CHODL: variants seen among roughly 807,000 people sequenced by gnomAD.
The protein encoded by CHODL is chondrolectin.
A neutral mutation model predicts 34.5 loss-of-function variants in CHODL; 29 were observed. The observed-to-expected ratio is 0.84, with a 90% CI of 0.63 to 1.15. The LOEUF is 1.15. Among genes scored for constraint, CHODL ranks in the 50% most tolerant of loss-of-function variants. The pLI is 0.00. For missense variants in CHODL, 332 were observed against 332.5 expected (o/e 1.00, Z 0.01); for synonymous variants, 125 against 116.1 (o/e 1.08, Z -0.49).
chr21:18,101,708 TACA>T (rs934336941), intron 2 of CHODL, among the ~76,000 whole-genome samples: 4 of 126,570 alleles, frequency 3.2e-5, no homozygotes, highest in Non-Finnish European at 6.9e-5. Flanking sequence ...TATTTCCATT[TACA>T]ACATTTTTTT....
intron 2 of CHODL, among the ~76,000 whole-genome samples, chr21:18,033,700 C>A (rs1038657833): frequency 6.6e-6 from 1 of 151,862 alleles, no homozygotes; most frequent in African/African-American, 2.4e-5. Context: ...TAGGGTATAG[C>A]CTTGGATCTG....
At chr21:18,089,955 A>G (rs2065052460) in intron 2 of CHODL, among the ~76,000 whole-genome samples, 1 of 152,224 alleles carries the variant, frequency 6.6e-6, no homozygotes, top group Admixed American at 6.5e-5. Flanking sequence ...AAGAGTGAAA[A>G]ATGAGTCCTA....
chr21:18,128,124 C>A (rs2072598842), intron 2 of CHODL, among the ~76,000 whole-genome samples: 1 of 150,726 alleles, frequency 6.6e-6, no homozygotes, highest in Non-Finnish European at 1.5e-5. Context: ...CACGGTGAAA[C>A]CCCGTCTCTA....
rs1568966593 is a variant in CHODL, at chr21:18,266,000, T to C, written c.784T>C (p.Ser262Pro). 6.2e-7 allele frequency: 1 copy of C among 1,613,690 alleles called. No homozygotes were observed. Among genetic ancestry groups the C allele is most frequent in the Non-Finnish European group, 8.5e-7 (1 of 1,179,754 alleles). Residue 262 changes from serine to proline, a missense_variant, in exon 6 of 6, where the codon TCA (serine) becomes CCA (proline). By Grantham distance (74) the Ser-to-Pro change is moderately conservative. Transcript: ENST00000299295. ...TSPNQSTLWISKSTRKESGME... is the reference protein window; with the variant it reads ...TSPNQSTLWIPKSTRKESGME... ...TCCAAACCAGTCTACACTGTGGATT[T>C]CAAAGAGTACCAGAAAAGAAAGTGG...
intron 2 of CHODL, among the ~76,000 whole-genome samples, chr21:18,104,951 A>G (rs2065256171): frequency 6.6e-6 from 1 of 152,220 alleles, no homozygotes; most frequent in African/African-American, 2.4e-5. Flanking sequence ...GAATGCTATG[A>G]CATGATTTGG....
intron 1 of CHODL, among the ~76,000 whole-genome samples, chr21:17,977,710 A>G (rs1251433511): frequency 6.8e-6 from 1 of 146,938 alleles, no homozygotes; most frequent in Admixed American, 6.8e-5. Context: ...CGAGGTCAAG[A>G]GATCGAGACC....
intron 1 of CHODL, among the ~76,000 whole-genome samples, chr21:17,949,039 C>T (rs1486905730): frequency 6.6e-6 from 1 of 152,122 alleles, no homozygotes; most frequent in African/African-American, 2.4e-5. Context: ...CTATGCAACA[C>T]TTTGATTACT....
At chr21:18,110,146 C>G (rs1433792117) in intron 2 of CHODL, among the ~76,000 whole-genome samples, 1 of 152,160 alleles carries the variant, frequency 6.6e-6, no homozygotes, top group East Asian at 1.9e-4. Flanking sequence ...TTACTAGCTA[C>G]AAACATATTT....
At chr21:18,241,236 A>G (rs2074079014), upstream of CHODL, among the ~76,000 whole-genome samples, 2 of 149,038 alleles carry the variant, frequency 1.3e-5, no homozygotes, top group South Asian at 2.1e-4. Flanking sequence ...GTGATAACCA[A>G]GCATTACTCA....
intron 1 of CHODL, among the ~76,000 whole-genome samples, chr21:18,011,156 A>G (rs1234047114): frequency 6.6e-6 from 1 of 152,220 alleles, no homozygotes; most frequent in Non-Finnish European, 1.5e-5. Flanking sequence ...GTAGATGGGT[A>G]GAAACACACT....
At chr21:17,999,511 A>AG (rs1568837529) in intron 1 of CHODL, among the ~76,000 whole-genome samples, 4 of 151,036 alleles carry the variant, frequency 2.6e-5, no homozygotes, top group African/African-American at 9.7e-5. Flanking sequence ...GAAACTGTGG[A>AG]AAAAAAAAGG....
intron 2 of CHODL, among the ~76,000 whole-genome samples, chr21:18,094,661 A>G (rs2065116124): frequency 6.6e-6 from 1 of 151,952 alleles, no homozygotes; most frequent in South Asian, 2.1e-4. Context: ...AACAAATTAT[A>G]ATGGAAACAC....
intron 2 of CHODL, among the ~76,000 whole-genome samples, chr21:18,060,717 A>G (rs1432071207): frequency 6.6e-6 from 1 of 151,392 alleles, no homozygotes; most frequent in East Asian, 1.9e-4. Flanking sequence ...ACCAAAAAAA[A>G]AAAAAAGAAA....
At chr21:18,260,351 G>A in intron 4 of CHODL, 65 bp downstream of exon 4, 1 of 1,011,430 alleles carries the variant, frequency 9.9e-7, no homozygotes, top group Non-Finnish European at 1.5e-6. Flanking sequence ...GCTGCTTCAT[G>A]TTGACCCCAG....
chr21:18,168,701 A>AT (rs2073187212), intron 2 of CHODL, among the ~76,000 whole-genome samples: 1 of 152,034 alleles, frequency 6.6e-6, no homozygotes, highest in African/African-American at 2.4e-5. Flanking sequence ...CTTTGCAAAT[A>AT]TTTTTTTCCA....
intron 2 of CHODL, among the ~76,000 whole-genome samples, chr21:18,159,768 A>C (rs1447373127): frequency 6.6e-6 from 1 of 152,008 alleles, no homozygotes; most frequent in African/African-American, 2.4e-5. Flanking sequence ...AAAATGGAGC[A>C]CTTTTCCCAG....
chr21:18,172,058 C>T (rs9978777), intron 2 of CHODL, among the ~76,000 whole-genome samples: 36 of 152,198 alleles, frequency 2.4e-4, no homozygotes, highest in African/African-American at 7.7e-4. Context: ...TAGGCAGGGG[C>T]ACAGCCTTAC....
chr21:18,179,658 T>A (rs541152641), intron 2 of CHODL, among the ~76,000 whole-genome samples: 4 of 152,294 alleles, frequency 2.6e-5, no homozygotes, highest in Admixed American at 6.5e-5. Context: ...TGACCTTTCT[T>A]TTTCCTCCAC....
chr21:18,028,811 T>G (rs1382876775), intron 2 of CHODL, among the ~76,000 whole-genome samples: 1 of 152,114 alleles, frequency 6.6e-6, no homozygotes, highest in Non-Finnish European at 1.5e-5. Context: ...TGAATATTGT[T>G]GAATAAGTGA....
Sources: gnomAD v4.1 joint callset for allele counts (sites outside exome capture counted in the v4.1 genomes callset) on GRCh38, gnomAD v4.1.1 for gene constraint, MANE v1.5 for transcripts, NCBI Gene and HGNC (gene_info 2026-07-23, HGNC 2026-07-21) for gene names.